The following NKAIN2 variants were observed in gnomAD, a reference collection of about 807,000 sequenced individuals.
NKAIN2 encodes the protein sodium/potassium-transporting ATPase subunit beta-1-interacting protein 2.
Under a neutral mutation model 32.6 loss-of-function variants are expected in NKAIN2, and 14 were observed. The ratio of observed to expected loss-of-function variants is 0.43; its 90% CI spans 0.28 to 0.67. The LOEUF (loss-of-function observed/expected upper bound fraction) is 0.67, where lower values mean the gene tolerates loss of function less well. NKAIN2 is among the 30% of genes least tolerant of loss of function. The pLI is 0.17. For missense variants in NKAIN2, 198 were observed against 258.3 expected (o/e 0.77, Z 1.60); for synonymous variants, 80 against 87.2 (o/e 0.92, Z 0.46).
intron 1 of NKAIN2, among the ~76,000 whole-genome samples, chr6:123,901,855 G>A (rs1475621360): frequency 6.6e-6 from 1 of 151,858 alleles, no homozygotes; most frequent in Admixed American, 6.6e-5. Context: ...AGCTTAAATT[G>A]ATCTTTAGTT....
At chr6:124,261,611 A>T (rs1406540530) in intron 1 of NKAIN2, among the ~76,000 whole-genome samples, 1 of 152,162 alleles carries the variant, frequency 6.6e-6, no homozygotes, top group Non-Finnish European at 1.5e-5. Context: ...CCGTAATCCT[A>T]GCACTTTGGG....
At position 123,942,326 on chromosome 6, in the gene NKAIN2, AAG is replaced by A. The variant is rs559332827; in HGVS notation, c.54+138075_54+138076del. Among the ~76,000 whole-genome samples, 9 of 151,120 alleles carry A rather than the reference AAG, an allele frequency of 6.0e-5. No individual in the cohort carries two copies. The South Asian group carries it at 8.3e-4, about 14-fold the overall frequency. On this transcript the variant is annotated intron_variant, in intron 1 of 6. Transcript: ENST00000368417. ...ATACTGATATTTAATAATTAAATAAAAGAGTTAAAGAGTTAAAGAGTTTTCCT... is the reference window on the plus strand; with the variant it reads ...ATACTGATATTTAATAATTAAATAAAAGTTAAAGAGTTAAAGAGTTTTCCT...
chr6:124,784,230 A>T (rs1472156871), intron 4 of NKAIN2, among the ~76,000 whole-genome samples: 1 of 152,182 alleles, frequency 6.6e-6, no homozygotes, highest in Non-Finnish European at 1.5e-5. Flanking sequence ...GATTCTGTTT[A>T]CACTTTACCC....
chr6:124,274,746 T>C (rs557283286), intron 1 of NKAIN2, among the ~76,000 whole-genome samples: 21 of 152,124 alleles, frequency 1.4e-4, no homozygotes, highest in African/African-American at 4.3e-4. Context: ...TCAATATATA[T>C]TAATAATTAT....
chr6:124,318,652 C>A (rs1430440501), intron 2 of NKAIN2, among the ~76,000 whole-genome samples: 1 of 152,032 alleles, frequency 6.6e-6, no homozygotes, highest in Non-Finnish European at 1.5e-5. Context: ...AACTGAGAAT[C>A]TGAATACCCC....
chr6:124,634,859 T>C lies in NKAIN2; in HGVS notation c.274-23327T>C, dbSNP rs1383006335. 2.6e-5 allele frequency among the ~76,000 whole-genome samples: 4 copies of C among 151,420 alleles called. No homozygotes were observed. The East Asian group carries it at 7.7e-4, about 29-fold the overall frequency. On this transcript the variant is annotated intron_variant, in intron 3 of 6. Coordinates refer to ENST00000368417, the MANE Select transcript of NKAIN2 (RefSeq NM_001040214.3). Reference sequence around the variant, plus strand: ...AAACAAACAAACAAACAAACAAAATTCAAGTCACATATAAGGGAATCCCCT... The same window carrying C: ...AAACAAACAAACAAACAAACAAAATCCAAGTCACATATAAGGGAATCCCCT...
intron 3 of NKAIN2, among the ~76,000 whole-genome samples, chr6:124,478,142 A>G (rs1777304615): frequency 6.6e-6 from 1 of 152,118 alleles, no homozygotes; most frequent in East Asian, 1.9e-4. Flanking sequence ...TCAAGAATGC[A>G]TGAAGAACTT....
At chr6:124,676,013 G>C (rs1198846438) in intron 4 of NKAIN2, among the ~76,000 whole-genome samples, 1 of 151,888 alleles carries the variant, frequency 6.6e-6, no homozygotes, top group African/African-American at 2.4e-5. Context: ...CATAAGTGTT[G>C]ATACGTTTTG....
rs878988210 is a variant in NKAIN2, at chr6:124,813,210, C to A, written c.536-5177C>A. On this transcript the variant is annotated intron_variant, in intron 5 of 6. Transcript: ENST00000368417. ...ACATTACAAAAAAGCCCCGAAATAC[C>A]ACATTGGCAACTATCACTGGCAAAT... Among the ~76,000 whole-genome samples, 19 of 152,164 alleles carry A rather than the reference C, an allele frequency of 1.2e-4. No individual in the cohort carries two copies. In the East Asian group the frequency reaches 3.7e-3, roughly 29 times the overall value.
At chr6:124,575,467 C>T (rs1171615827) in intron 3 of NKAIN2, among the ~76,000 whole-genome samples, 3 of 152,176 alleles carry the variant, frequency 2.0e-5, no homozygotes, top group African/African-American at 7.2e-5. Flanking sequence ...AGGTGTTTGG[C>T]CTTCTGAAAC....
intron 2 of NKAIN2, among the ~76,000 whole-genome samples, chr6:124,341,854 G>T (rs1206116199): frequency 6.6e-6 from 1 of 152,270 alleles, no homozygotes; most frequent in South Asian, 2.1e-4. Context: ...TAGAACACAA[G>T]ATTTACATCG....
chr6:124,303,203 A>T (rs1796367632), intron 2 of NKAIN2, among the ~76,000 whole-genome samples: 1 of 152,236 alleles, frequency 6.6e-6, no homozygotes, highest in Non-Finnish European at 1.5e-5. Context: ...GAATGATATG[A>T]TTAATTTTAA....
chr6:124,024,449 G>A (rs543180738), intron 1 of NKAIN2, among the ~76,000 whole-genome samples: 4 of 152,160 alleles, frequency 2.6e-5, no homozygotes, highest in East Asian at 3.9e-4. Context: ...GCCCTTTCAC[G>A]TTGGAGAATA....
intron 1 of NKAIN2, among the ~76,000 whole-genome samples, chr6:124,209,121 G>T (rs541926241): frequency 6.7e-6 from 1 of 149,124 alleles, no homozygotes; most frequent in East Asian, 2.0e-4. Flanking sequence ...TACCCGCCTC[G>T]CCGCTACTCT....
chr6:124,022,954 T>C (rs976991710), intron 1 of NKAIN2, among the ~76,000 whole-genome samples: 1 of 151,886 alleles, frequency 6.6e-6, no homozygotes, highest in African/African-American at 2.4e-5. Flanking sequence ...AGCCTAGCAG[T>C]ATGTGGGGGC....
intron 2 of NKAIN2, among the ~76,000 whole-genome samples, chr6:124,345,988 T>C (rs1280658124): frequency 6.6e-6 from 1 of 152,184 alleles, no homozygotes; most frequent in African/African-American, 2.4e-5. Context: ...TAAATTTCCC[T>C]CTACACACTG....
rs1786239718 is a variant in NKAIN2 at position 124,127,595 on chromosome 6, T to G, written c.55-155410T>G. Among the ~76,000 whole-genome samples, 3 of 152,148 alleles carry G rather than the reference T, an allele frequency of 2.0e-5. 1 individual carries two copies. The South Asian group carries it at 6.2e-4, about 32-fold the overall frequency. On this transcript the variant is annotated intron_variant, in intron 1 of 6. Transcript: ENST00000368417. ...TTTAGGATGGAGGAAAAAGACATAT[T>G]GAGGGCTTTGAGGCTGATGGTTTGG...
chr6:124,301,777 G>A (rs1375761334), intron 2 of NKAIN2, among the ~76,000 whole-genome samples: 4 of 152,202 alleles, frequency 2.6e-5, no homozygotes, highest in Non-Finnish European at 5.9e-5. Flanking sequence ...CATTTGGAAT[G>A]GGCATATTTA....
intron 1 of NKAIN2, among the ~76,000 whole-genome samples, chr6:124,234,301 A>G (rs914692044): frequency 2.0e-5 from 3 of 152,150 alleles, no homozygotes; most frequent in Non-Finnish European, 4.4e-5. Context: ...TTTCCAGGAA[A>G]ATAATCTAAT....
Sources: allele counts gnomAD v4.1 joint callset (sites outside exome capture counted in the v4.1 genomes callset), GRCh38; gene constraint gnomAD v4.1.1; transcripts MANE v1.5; gene names NCBI Gene and HGNC (gene_info 2026-07-23, HGNC 2026-07-21).